The following CDCA2 variants were observed in gnomAD, a reference collection of about 807,000 sequenced individuals.
CDCA2 encodes cell division cycle associated 2, also known as cell division cycle-associated protein 2.
A neutral mutation model predicts 67.0 loss-of-function variants in CDCA2; 44 were observed. The ratio of observed to expected loss-of-function variants is 0.66; its 90% confidence interval spans 0.52 to 0.84. CDCA2 has a LOEUF of 0.84. Ranked by LOEUF, CDCA2 falls within the 40% of genes least tolerant of loss-of-function variation. The pLI is 0.00. For synonymous variants in CDCA2, 447 were observed against 418.7 expected (o/e 1.07, Z -0.82); for missense variants, 1,253 against 1,203.2 (o/e 1.04, Z -0.61).
At chr8:25,498,272 A>G (rs1804315442) in intron 13 of CDCA2, among the ~76,000 whole-genome samples, 1 of 151,992 alleles carries the variant, frequency 6.6e-6, no homozygotes, top group Admixed American at 6.6e-5. Flanking sequence ...CAGTGGCACG[A>G]TCTCGGCTCA....
intron 13 of CDCA2, among the ~76,000 whole-genome samples, chr8:25,496,160 A>C (rs1804214908): frequency 6.6e-6 from 1 of 152,204 alleles, no homozygotes; most frequent in Non-Finnish European, 1.5e-5. Context: ...AAAAAAAACT[A>C]CTGGTGTCAT....
At chr8:25,478,627 C>G (rs1803439648) in intron 7 of CDCA2, among the ~76,000 whole-genome samples, 1 of 152,142 alleles carries the variant, frequency 6.6e-6, no homozygotes, top group Admixed American at 6.5e-5. Flanking sequence ...CTTGTCCATG[C>G]CCACTGTTCC....
chr8:25,471,481 C>T (rs1472311309), intron 7 of CDCA2, among the ~76,000 whole-genome samples: 1 of 152,062 alleles, frequency 6.6e-6, no homozygotes, highest in Non-Finnish European at 1.5e-5. Flanking sequence ...TCTGCCTCGG[C>T]CTCCCAAGTA....
chr8:25,486,569 A>G (rs1803783535), intron 11 of CDCA2, among the ~76,000 whole-genome samples: 1 of 151,928 alleles, frequency 6.6e-6, no homozygotes, highest in Non-Finnish European at 1.5e-5. Flanking sequence ...TTGGGAGGCT[A>G]AGGCAGGCAG....
chr8:25,504,003 A>G (rs1804579399), intron 14 of CDCA2, among the ~76,000 whole-genome samples: 1 of 152,116 alleles, frequency 6.6e-6, no homozygotes, highest in African/African-American at 2.4e-5. Flanking sequence ...CCTGGGCAAC[A>G]TAGCAAGACC....
At chr8:25,500,185 C>G (rs1416823324) in intron 13 of CDCA2, among the ~76,000 whole-genome samples, 2 of 151,870 alleles carry the variant, frequency 1.3e-5, no homozygotes, top group East Asian at 1.9e-4. Flanking sequence ...TGTGGAGTAG[C>G]CACTGTGTGC....
At chr8:25,488,208 G>A (rs1174378119) in intron 12 of CDCA2, among the ~76,000 whole-genome samples, 1 of 152,166 alleles carries the variant, frequency 6.6e-6, no homozygotes, top group African/African-American at 2.4e-5. Context: ...AAAAATTCAT[G>A]ATTTTTTTCC....
At chr8:25,480,200 CAT>C in intron 8 of CDCA2, 76 bp downstream of exon 8, 1 of 1,160,078 alleles carries the variant, frequency 8.6e-7, no homozygotes, top group South Asian at 1.4e-5. Context: ...CTTGAAATGT[CAT>C]ATATCATGCT....
intron 13 of CDCA2, among the ~76,000 whole-genome samples, chr8:25,493,117 C>A (rs1804077488): frequency 6.6e-6 from 1 of 152,064 alleles, no homozygotes; most frequent in Non-Finnish European, 1.5e-5. Context: ...TCATCATTAT[C>A]ATGAGACATT....
Position 25,468,502 on chromosome 8 carries a change from T to C in CDCA2, c.735+89T>C, listed in dbSNP as rs1586470927. On this transcript the variant is annotated intron_variant, in intron 6 of 14. Transcript: ENST00000330560. The stretch of plus-strand genomic sequence containing the variant: ...GGCTGTCAGTGCCGTTCTTCAATTT[T>C]AGTACCTTGTTCTGCCCTGTGGTTC... 7 of 1,014,388 alleles carry C rather than the reference T, an allele frequency of 6.9e-6. No homozygotes were observed. In the East Asian group the frequency reaches 1.5e-4, roughly 21 times the overall value. The allele number at this position is 1,014,388 out of a possible 1,614,324, so 62.8% of individuals were successfully genotyped here.
chr8:25,479,860 C>A, intron 7 of CDCA2, 53 bp from the exon 8 acceptor site: 1 of 1,556,338 alleles, frequency 6.4e-7, no homozygotes, highest in Non-Finnish European at 8.9e-7. Flanking sequence ...TGGTCTAGAA[C>A]AAACAGATTT....
At chr8:25,476,189 C>T (rs1252170380) in intron 7 of CDCA2, among the ~76,000 whole-genome samples, 1 of 152,198 alleles carries the variant, frequency 6.6e-6, no homozygotes, top group Non-Finnish European at 1.5e-5. Flanking sequence ...CATTGGATTT[C>T]TCTGGGAACA....
At chr8:25,467,155 C>A (rs988755559) in intron 5 of CDCA2, among the ~76,000 whole-genome samples, 4 of 143,544 alleles carry the variant, frequency 2.8e-5, no homozygotes, top group African/African-American at 1.0e-4. Context: ...TTTTTTCAGT[C>A]TTTTTTTTTT....
At chr8:25,459,849 G>A (rs1420198978) in intron 1 of CDCA2, among the ~76,000 whole-genome samples, 1 of 152,064 alleles carries the variant, frequency 6.6e-6, no homozygotes. Flanking sequence ...AAGTGGAGAT[G>A]GTTAATAGGT....
intron 7 of CDCA2, 114 bp from the exon 8 acceptor site, chr8:25,479,799 A>G: frequency 1.1e-6 from 1 of 920,432 alleles, no homozygotes; most frequent in Non-Finnish European, 1.7e-6. Context: ...AGGTTATATT[A>G]GGTTTGAATT....
At chr8:25,498,199 T>G (rs569338427) in intron 13 of CDCA2, among the ~76,000 whole-genome samples, 9 of 152,204 alleles carry the variant, frequency 5.9e-5, no homozygotes, top group African/African-American at 2.2e-4. Context: ...TTTTGTTGAA[T>G]TACATTTTGT....
Position 25,507,815 on chromosome 8 carries a change from T to G in CDCA2, c.*77T>G. ...GAAATGATCTGTCTAGTTCCCATTC[T>G]CTGTTCAACCTCAGTGTTTCAAAAG... On this transcript the variant is annotated 3_prime_UTR_variant, in exon 15 of 15. Transcript: ENST00000330560. The G allele has an allele frequency of 6.9e-7, 1 of 1,446,120 alleles. No individual in the cohort carries two copies. The highest frequency in any genetic ancestry group is 1.5e-5 in the South Asian group (1 of 66,168). The allele number at this position is 1,446,120 out of a possible 1,614,324, so 89.6% of individuals were successfully genotyped here. A position where few individuals can be genotyped will look rare whatever the true frequency, so the allele number is the denominator to read the frequency against.
chr8:25,462,989 G>A (rs1011676103), intron 4 of CDCA2, among the ~76,000 whole-genome samples: 1 of 152,186 alleles, frequency 6.6e-6, no homozygotes, highest in African/African-American at 2.4e-5. Flanking sequence ...TATTTTTAGA[G>A]TTATGAGACC....
chr8:25,489,035 T>C (rs1201312076), intron 13 of CDCA2, among the ~76,000 whole-genome samples: 2 of 152,200 alleles, frequency 1.3e-5, no homozygotes, highest in African/African-American at 4.8e-5. Flanking sequence ...TGCCGCTTGC[T>C]ACTTCTTAGA....
Sources: allele counts gnomAD v4.1 joint callset (sites outside exome capture counted in the v4.1 genomes callset), GRCh38; gene constraint gnomAD v4.1.1; transcripts MANE v1.5; gene names NCBI Gene and HGNC (gene_info 2026-07-23, HGNC 2026-07-21).